ODF2L: variants seen among roughly 807,000 people sequenced by gnomAD.
The protein encoded by ODF2L is protein BCAP.
Under a neutral mutation model 86.3 loss-of-function variants are expected in ODF2L, and 76 were observed. The observed-to-expected ratio is 0.88, with a 90% CI of 0.73 to 1.07. The LOEUF (loss-of-function observed/expected upper bound fraction) is 1.07. Ranked by LOEUF, ODF2L falls within the 50% of genes least tolerant of loss-of-function variation. ODF2L has a pLI of 0.00. For missense variants in ODF2L, 748 were observed against 717.4 expected (o/e 1.04, Z -0.49); for synonymous variants, 241 against 231.3 (o/e 1.04, Z -0.38).
In ODF2L at chr1:86,373,208, A is replaced by G. The variant is rs574318869; in HGVS notation, c.811-668T>C. 5.9e-5 allele frequency among the ~76,000 whole-genome samples: 9 copies of G among 152,234 alleles called. No homozygotes were observed. The East Asian group carries it at 1.7e-3, about 29-fold the overall frequency. ...TCATATACACATAGTGGAAGTTTCA[A>G]CTTAAATTTTAAAAGATGTTGCAAC... On this transcript the variant is annotated intron_variant, in intron 8 of 17. Transcript: ENST00000317336.
intron 7 of ODF2L, among the ~76,000 whole-genome samples, chr1:86,379,743 A>C (rs1660434430): frequency 6.6e-6 from 1 of 152,232 alleles, no homozygotes; most frequent in Non-Finnish European, 1.5e-5. Flanking sequence ...TTATCCAATA[A>C]AGTAAATGTA....
rs185782765 is a variant in ODF2L at position 86,391,454 on chromosome 1, C to T, written c.-59-4368G>A. ...TATAAGGCCACAGTCACCAAAACAG[C>T]ATGGTACTGGTATAAAAATAGGCAC... is the stretch of plus-strand genomic sequence containing the variant. On this transcript the variant is annotated intron_variant, in intron 1 of 17. Transcript: ENST00000317336. 2.6e-3 allele frequency among the ~76,000 whole-genome samples: 393 copies of T among 152,294 alleles called. 1 individual carries two copies. Among genetic ancestry groups the T allele is most frequent in the South Asian group, 9.5e-3 (46 of 4,828 alleles).
chr1:86,358,770 T>C lies in ODF2L; in HGVS notation c.1359+17A>G. ...AAAAATATATAAAATATTATTTATTTGAAATTCCAAACGTACCTTCTCTAC... is the reference window on the plus strand; with the variant it reads ...AAAAATATATAAAATATTATTTATTCGAAATTCCAAACGTACCTTCTCTAC... On this transcript the variant is annotated intron_variant, in intron 13 of 17. Coordinates refer to ENST00000317336, the Ensembl canonical transcript of ODF2L. 9.9e-7 allele frequency: 1 copy of C among 1,011,032 alleles called. No individual in the cohort carries two copies. The highest frequency in any genetic ancestry group is 2.7e-5 in the East Asian group (1 of 37,194). The allele number at this position is 1,011,032 out of a possible 1,614,324, so 62.6% of individuals were successfully genotyped here. A position where few individuals can be genotyped will look rare whatever the true frequency, so the allele number is the denominator to read the frequency against.
intron 7 of ODF2L, among the ~76,000 whole-genome samples, chr1:86,380,676 T>A (rs1361375471): frequency 1.3e-5 from 2 of 152,108 alleles, no homozygotes; most frequent in Non-Finnish European, 2.9e-5. Context: ...AATGAACACA[T>A]AAAGCTGATT....
At chr1:86,391,421 A>G (rs1661316254) in intron 1 of ODF2L, among the ~76,000 whole-genome samples, 1 of 152,186 alleles carries the variant, frequency 6.6e-6, no homozygotes, top group Non-Finnish European at 1.5e-5. Context: ...CCCAACTTCA[A>G]ACTATACTAT....
chr1:86,359,889 C>T (rs1251840126), intron 12 of ODF2L, among the ~76,000 whole-genome samples: 1 of 152,030 alleles, frequency 6.6e-6, no homozygotes, highest in African/African-American at 2.4e-5. Flanking sequence ...TGCATAAGTC[C>T]CATCTTATGA....
intron 11 of ODF2L, among the ~76,000 whole-genome samples, chr1:86,363,173 AATG>A (rs1180720802): frequency 1.3e-5 from 2 of 152,170 alleles, no homozygotes; most frequent in African/African-American, 2.4e-5. Flanking sequence ...GTATGAGAGA[AATG>A]ATGATTTTCC....
At chr1:86,373,491 A>G (rs1659953373) in intron 8 of ODF2L, among the ~76,000 whole-genome samples, 1 of 148,956 alleles carries the variant, frequency 6.7e-6, no homozygotes, top group African/African-American at 2.4e-5. Context: ...ATATGTATAT[A>G]CTATATATAT....
chr1:86,395,501 G>T (rs1661670106), intron 1 of ODF2L, among the ~76,000 whole-genome samples: 2 of 152,104 alleles, frequency 1.3e-5, no homozygotes, highest in South Asian at 2.1e-4. Context: ...ACACAAGTCG[G>T]CCTTTAGCAC....
intron 1 of ODF2L, among the ~76,000 whole-genome samples, chr1:86,391,427 A>G (rs1192660494): frequency 6.6e-6 from 1 of 152,226 alleles, no homozygotes. Context: ...TTCAAACTAT[A>G]CTATAAGGCC....
intron 13 of ODF2L, chr1:86,357,772 T>C (rs937713227): frequency 2.0e-6 from 2 of 979,260 alleles, no homozygotes; most frequent in Admixed American, 6.2e-5. Context: ...GTTGTCTTGT[T>C]AAATACTAGT....
chr1:86,387,105 A>T lies in ODF2L; in HGVS notation c.-59-19T>A. 1.6e-6 allele frequency: 1 copy of T among 638,498 alleles called. No homozygotes were observed. Among genetic ancestry groups the T allele is most frequent in the Non-Finnish European group, 2.6e-6 (1 of 384,330 alleles). The allele number at this position is 638,498 out of a possible 1,614,324, so 39.6% of individuals were successfully genotyped here. A position where few individuals can be genotyped will look rare whatever the true frequency, so the allele number is the denominator to read the frequency against. On this transcript the variant is annotated intron_variant, in intron 1 of 17. Coordinates refer to ENST00000317336, the Ensembl canonical transcript of ODF2L. ...CTGAAAGCTAGGAAATATTTTAGTTATTAAATTTATTTCAATAGAGTTTTT... is the reference window on the plus strand; with the variant it reads ...CTGAAAGCTAGGAAATATTTTAGTTTTTAAATTTATTTCAATAGAGTTTTT...
At chr1:86,388,731 T>C (rs371077519) in intron 1 of ODF2L, among the ~76,000 whole-genome samples, 3 of 152,294 alleles carry the variant, frequency 2.0e-5, no homozygotes, top group Admixed American at 1.3e-4. Flanking sequence ...TTGGTATCGG[T>C]ATTTTATACA....
intron 11 of ODF2L, among the ~76,000 whole-genome samples, chr1:86,361,957 A>C (rs1659067930): frequency 6.6e-6 from 1 of 152,218 alleles, no homozygotes; most frequent in South Asian, 2.1e-4. Context: ...AGTAAAATAC[A>C]TCAAACACAA....
chr1:86,364,254 T>G (rs1471124464), intron 11 of ODF2L, among the ~76,000 whole-genome samples: 1 of 152,196 alleles, frequency 6.6e-6, no homozygotes, highest in African/African-American at 2.4e-5. Context: ...AATAGAGCAA[T>G]TTAAGCATTC....
rs138016365 is a variant in ODF2L, at chr1:86,372,469, T to A, written c.882A>T (p.Glu294Asp). 148 of 1,521,828 alleles carry A rather than the reference T, an allele frequency of 9.7e-5. No homozygotes were observed. The African/African-American group carries it at 1.9e-3, about 20-fold the overall frequency. The allele number at this position is 1,521,828 out of a possible 1,614,324, so 94.3% of individuals were successfully genotyped here. Residue 294 changes from glutamate (E) to aspartate (D), a missense_variant, in exon 9 of 18, where the codon GAA (glutamate) becomes GAT (aspartate). Transcript: ENST00000317336. ...CAATCTGTACTTCCAATTCGGTTTTTTCTATCACAATTTTCTCATAATGAC... is the reference window on the plus strand; with the variant it reads ...CAATCTGTACTTCCAATTCGGTTTTATCTATCACAATTTTCTCATAATGAC...
chr1:86,357,820 A>G (rs17363646), intron 13 of ODF2L: 133,983 of 984,438 alleles, frequency 0.14, 9,533 homozygotes, highest in South Asian at 0.19. Flanking sequence ...TGAAAAAGAC[A>G]GGCTCCAACC....
intron 8 of ODF2L, among the ~76,000 whole-genome samples, chr1:86,373,596 T>C (rs536506035): frequency 7.2e-5 from 11 of 151,836 alleles, no homozygotes; most frequent in African/African-American, 2.4e-4. Context: ...CATCTTGTTA[T>C]GTTGCCCAGG....
chr1:86,349,113 C>A (rs1048176654), downstream of ODF2L: 56 of 233,440 alleles, frequency 2.4e-4, no homozygotes, highest in Non-Finnish European at 9.6e-5. Flanking sequence ...CATTTAGCCC[C>A]AAATTATTAC....
Sources: allele counts gnomAD v4.1 joint callset (sites outside exome capture counted in the v4.1 genomes callset), GRCh38; gene constraint gnomAD v4.1.1; transcripts MANE v1.5; gene names NCBI Gene and HGNC (gene_info 2026-07-23, HGNC 2026-07-21).